Variants in SLC39A11 observed in about 807,000 individuals in gnomAD.
SLC39A11 encodes the protein solute carrier family 39 member 11, also known as zinc transporter ZIP11.
A neutral mutation model predicts 36.1 loss-of-function variants in SLC39A11; 33 were observed. That is an observed-to-expected ratio of 0.91 (90% confidence interval 0.69 to 1.22). The LOEUF is 1.22. SLC39A11 is among the 50% of genes most tolerant of loss of function. The pLI is 0.00. For synonymous variants in SLC39A11, 166 were observed against 170.3 expected, an observed-to-expected ratio of 0.97 and a Z score of 0.20; for missense variants, 432 against 430.3, an observed-to-expected ratio of 1.00 and a Z score of -0.03.
intron 6 of SLC39A11, among the ~76,000 whole-genome samples, chr17:72,842,598 C>A (rs1746388041): frequency 1.3e-5 from 2 of 152,142 alleles, no homozygotes; most frequent in South Asian, 2.1e-4. Context: ...AGGCTCAGAG[C>A]CCTTCAATCT....
intron 5 of SLC39A11, among the ~76,000 whole-genome samples, chr17:72,921,538 C>T (rs1440366753): frequency 6.6e-6 from 1 of 152,152 alleles, no homozygotes; most frequent in Non-Finnish European, 1.5e-5. Context: ...TGCCTTCTCC[C>T]AAGAGACTGG....
At chr17:73,032,025 G>A (rs1331377584) in intron 3 of SLC39A11, among the ~76,000 whole-genome samples, 1 of 152,084 alleles carries the variant, frequency 6.6e-6, no homozygotes, top group African/African-American at 2.4e-5. Flanking sequence ...CAGGACATTT[G>A]GCAATGACTA....
intron 5 of SLC39A11, among the ~76,000 whole-genome samples, chr17:72,851,396 C>T (rs970867009): frequency 9.9e-5 from 15 of 152,086 alleles, no homozygotes; most frequent in Non-Finnish European, 2.1e-4. Flanking sequence ...GGAAGGCTTT[C>T]TAGAGGAGAT....
At chr17:72,759,036 G>A (rs1210020268) in intron 6 of SLC39A11, among the ~76,000 whole-genome samples, 1 of 152,042 alleles carries the variant, frequency 6.6e-6, no homozygotes, top group Non-Finnish European at 1.5e-5. Flanking sequence ...GGGAGGCGGA[G>A]GTTGCAGTGA....
At chr17:72,903,271 G>GAAAA (rs11450652) in intron 5 of SLC39A11, among the ~76,000 whole-genome samples, 2 of 113,330 alleles carry the variant, frequency 1.8e-5, no homozygotes, top group African/African-American at 3.1e-5. Flanking sequence ...GTCTCGAAAA[G>GAAAA]AAAAAAAAAA....
intron 5 of SLC39A11, among the ~76,000 whole-genome samples, chr17:72,915,145 G>A (rs994907122): frequency 3.3e-5 from 5 of 152,062 alleles, no homozygotes; most frequent in Admixed American, 1.3e-4. Flanking sequence ...CAGACCCAGG[G>A]GGAGACTGCC....
chr17:72,922,053 T>G (rs1359145932), intron 5 of SLC39A11, among the ~76,000 whole-genome samples: 1 of 152,206 alleles, frequency 6.6e-6, no homozygotes, highest in Non-Finnish European at 1.5e-5. Context: ...AACCTAGGTC[T>G]GTCTGAAAGC....
intron 4 of SLC39A11, among the ~76,000 whole-genome samples, chr17:72,950,120 T>G (rs2085761267): frequency 6.6e-6 from 1 of 152,190 alleles, no homozygotes. Context: ...GCCCTTCCTC[T>G]CATCTATTCT....
At chr17:72,768,005 T>C (rs1489204829) in intron 6 of SLC39A11, among the ~76,000 whole-genome samples, 7 of 152,268 alleles carry the variant, frequency 4.6e-5, no homozygotes, top group Non-Finnish European at 5.9e-5. Context: ...CTAGGCTTGC[T>C]GCTCATTGGT....
intron 5 of SLC39A11, among the ~76,000 whole-genome samples, chr17:72,896,460 C>G (rs572633448): frequency 6.6e-6 from 1 of 151,846 alleles, no homozygotes; most frequent in African/African-American, 2.4e-5. Context: ...CCTCAGCCTC[C>G]GAAAGTGCTG....
intron 6 of SLC39A11, among the ~76,000 whole-genome samples, chr17:72,817,541 C>G (rs2077624517): frequency 6.6e-6 from 1 of 152,078 alleles, no homozygotes; most frequent in African/African-American, 2.4e-5. Flanking sequence ...TTTGGCAGAG[C>G]CAAAAAACCC....
At chr17:72,907,287 C>T (rs74399511) in intron 5 of SLC39A11, among the ~76,000 whole-genome samples, 1 of 152,118 alleles carries the variant, frequency 6.6e-6, no homozygotes. Context: ...CTCAGGAGTT[C>T]GAGACCAGCC....
chr17:72,917,274 A>G, intron 5 of SLC39A11, among the ~76,000 whole-genome samples: 1 of 152,228 alleles, frequency 6.6e-6, no homozygotes, highest in East Asian at 1.9e-4. Context: ...CTGCTTTCCC[A>G]GCATTTGCTA....
chr17:72,895,212 G>C (rs912711606), intron 5 of SLC39A11, among the ~76,000 whole-genome samples: 1 of 152,142 alleles, frequency 6.6e-6, no homozygotes, highest in Non-Finnish European at 1.5e-5. Context: ...TGCGATGGGA[G>C]AAGGCAGCTT....
chr17:73,004,773 A>C (rs2090090026), intron 4 of SLC39A11, among the ~76,000 whole-genome samples: 1 of 152,260 alleles, frequency 6.6e-6, no homozygotes, highest in Non-Finnish European at 1.5e-5. Context: ...GCAATGGGGC[A>C]AAGATGGACT....
rs148966845 is a variant in SLC39A11 at position 73,031,727 on chromosome 17, C to T, written c.148-13G>A. The T allele has an allele frequency of 8.6e-5, 138 of 1,612,410 alleles. 1 individual carries two copies. The Middle Eastern group carries it at 1.3e-3, about 15-fold the overall frequency. On this transcript the variant is annotated splice_polypyrimidine_tract_variant and intron_variant, in intron 3 of 9. Transcript: ENST00000255559. ...CTGCCAACATGACCTACAAAAACCA[C>T]AACGAGAGATAAACGTTAAAGCAAC...
chr17:72,651,057 A>T (rs1050239284), intron 7 of SLC39A11, among the ~76,000 whole-genome samples: 4 of 152,114 alleles, frequency 2.6e-5, no homozygotes, highest in Non-Finnish European at 5.9e-5. Context: ...GTAGTTCCAG[A>T]TACCTCAGGA....
intron 2 of SLC39A11, among the ~76,000 whole-genome samples, chr17:73,088,015 A>C (rs77710448): frequency 0.015 from 2,340 of 152,324 alleles, 63 homozygotes; most frequent in African/African-American, 0.054. Flanking sequence ...GAAAGAAATT[A>C]CATGGCAGGC....
chr17:72,898,713 G>A (rs1165419586), intron 5 of SLC39A11, among the ~76,000 whole-genome samples: 1 of 152,220 alleles, frequency 6.6e-6, no homozygotes, highest in Non-Finnish European at 1.5e-5. Context: ...CACTCACGTA[G>A]ACACTCATAT....
Sources: allele counts gnomAD v4.1 joint callset (sites outside exome capture counted in the v4.1 genomes callset), GRCh38; gene constraint gnomAD v4.1.1; transcripts MANE v1.5; gene names NCBI Gene and HGNC (gene_info 2026-07-23, HGNC 2026-07-21).